The following TTC28 variants were observed in gnomAD, a reference collection of about 807,000 sequenced individuals.
TTC28 encodes the protein tetratricopeptide repeat protein 28.
Under a neutral mutation model 198.0 loss-of-function variants are expected in TTC28, and 61 were observed. That is an observed-to-expected ratio of 0.31 (90% CI 0.25 to 0.38). The LOEUF is 0.38. Ranked by LOEUF, TTC28 falls within the 10% of genes least tolerant of loss-of-function variation. The probability of loss-of-function intolerance (pLI) is 1.00; values close to 1 mark genes in which losing one functional copy is unlikely to be tolerated. For missense variants in TTC28, 2,678 were observed against 3,164.0 expected, an observed-to-expected ratio of 0.85 and a Z score of 3.69; for synonymous variants, 1,171 against 1,297.8, an observed-to-expected ratio of 0.90 and a Z score of 2.10.
At chr22:28,370,790 G>A (rs1411273320) in intron 2 of TTC28, among the ~76,000 whole-genome samples, 2 of 152,190 alleles carry the variant, frequency 1.3e-5, no homozygotes, top group African/African-American at 4.8e-5. Flanking sequence ...AAGGGAGTAA[G>A]AGAAAAGGAA....
chr22:28,567,187 C>G (rs867066502), intron 2 of TTC28, among the ~76,000 whole-genome samples: 1 of 140,536 alleles, frequency 7.1e-6, no homozygotes, highest in East Asian at 2.1e-4. Flanking sequence ...TGCACTCTGG[C>G]TTGGGCGACA....
chr22:28,548,326 C>G (rs2049587091), intron 2 of TTC28, among the ~76,000 whole-genome samples: 1 of 152,202 alleles, frequency 6.6e-6, no homozygotes, highest in African/African-American at 2.4e-5. Flanking sequence ...ATTCTGGTAT[C>G]TCAGGGTGTT....
intron 1 of TTC28, among the ~76,000 whole-genome samples, chr22:28,669,440 G>A (rs528833861): frequency 6.6e-6 from 1 of 152,212 alleles, no homozygotes; most frequent in Admixed American, 6.5e-5. Flanking sequence ...ACCAGTTAGG[G>A]CCAAAATAAA....
intron 2 of TTC28, among the ~76,000 whole-genome samples, chr22:28,412,300 A>G (rs2047093181): frequency 6.6e-6 from 1 of 152,016 alleles, no homozygotes; most frequent in Non-Finnish European, 1.5e-5. Context: ...TCTCCAGAAC[A>G]GCTCCTTTCC....
At chr22:28,487,901 C>T (rs1829342587) in intron 2 of TTC28, among the ~76,000 whole-genome samples, 1 of 152,116 alleles carries the variant, frequency 6.6e-6, no homozygotes, top group Non-Finnish European at 1.5e-5. Context: ...GACCATGTAA[C>T]CGAGTATCTT....
At chr22:28,519,972 GAA>G (rs1246601653) in intron 2 of TTC28, among the ~76,000 whole-genome samples, 1 of 152,132 alleles carries the variant, frequency 6.6e-6, no homozygotes, top group Admixed American at 6.5e-5. Context: ...AAAGTAAAGA[GAA>G]AGAGAGAGAG....
chr22:28,469,023 C>T (rs761635668), intron 2 of TTC28, among the ~76,000 whole-genome samples: 5 of 152,252 alleles, frequency 3.3e-5, no homozygotes, highest in African/African-American at 4.8e-5. Context: ...AAATTAGCAA[C>T]GTTAATTACT....
At chr22:28,312,503 C>A (rs1428764650) in intron 2 of TTC28, among the ~76,000 whole-genome samples, 5 of 152,156 alleles carry the variant, frequency 3.3e-5, no homozygotes, top group South Asian at 4.1e-4. Context: ...GAAATCACAA[C>A]AAACTGTCTC....
chr22:28,020,752 G>A (rs1373896369), intron 13 of TTC28, among the ~76,000 whole-genome samples: 8 of 151,790 alleles, frequency 5.3e-5, no homozygotes. Flanking sequence ...GGTGCAGACA[G>A]CAGCCTGGGC....
intron 2 of TTC28, among the ~76,000 whole-genome samples, chr22:28,334,508 C>T (rs2045674042): frequency 6.6e-6 from 1 of 152,176 alleles, no homozygotes; most frequent in Non-Finnish European, 1.5e-5. Context: ...TCCTCTCCAG[C>T]ACCTGTTGTT....
intron 2 of TTC28, among the ~76,000 whole-genome samples, chr22:28,383,356 G>A (rs746534570): frequency 6.6e-6 from 1 of 152,116 alleles, no homozygotes; most frequent in Non-Finnish European, 1.5e-5. Context: ...GCAATATGTT[G>A]ATCCCAAATT....
At chr22:28,391,084 T>A (rs2146065978) in intron 2 of TTC28, among the ~76,000 whole-genome samples, 1 of 152,194 alleles carries the variant, frequency 6.6e-6, no homozygotes, top group Non-Finnish European at 1.5e-5. Flanking sequence ...AGGATTTTAT[T>A]TCTCCTTCAC....
chr22:28,370,535 C>T (rs548600119), intron 2 of TTC28, among the ~76,000 whole-genome samples: 2 of 152,274 alleles, frequency 1.3e-5, no homozygotes, highest in East Asian at 1.9e-4. Flanking sequence ...CTCATATTCT[C>T]CATCTATGTG....
chr22:28,511,841 C>T (rs1043485165), intron 2 of TTC28, among the ~76,000 whole-genome samples: 2 of 150,610 alleles, frequency 1.3e-5, no homozygotes, highest in Non-Finnish European at 3.0e-5. Context: ...AAAAAAAACA[C>T]CAAACCTCTA....
chr22:28,259,499 T>C (rs1931176649), intron 5 of TTC28, among the ~76,000 whole-genome samples: 2 of 152,032 alleles, frequency 1.3e-5, no homozygotes, highest in Admixed American at 1.3e-4. Flanking sequence ...AGCCCAGAAA[T>C]GCTCGGGTAT....
chr22:28,569,907 C>T (rs563899855), intron 2 of TTC28, among the ~76,000 whole-genome samples: 2 of 152,248 alleles, frequency 1.3e-5, no homozygotes, highest in African/African-American at 2.4e-5. Flanking sequence ...TGAACAGACA[C>T]TTTTCGAAAG....
chr22:27,982,526 C>T lies in TTC28; in HGVS notation c.7141G>A (p.Ala2381Thr), dbSNP rs1390312691. Residue 2381 changes from alanine (A) to threonine (T), a missense_variant, in exon 23 of 23, where the codon GCT becomes ACT. Physicochemically the swap from Ala to Thr is moderately conservative, Grantham distance 58 (BLOSUM62 0). Coordinates refer to ENST00000397906, the MANE Select transcript of TTC28 (RefSeq NM_001145418.2). This position sits in a 1 kb window ranked among gnomAD's most constrained non-coding sequence, Gnocchi z 5.2. The part of the protein sequence containing the change: ...STGPMKIFRG[A>T]PGTMTSKRDV... ...CTTTTGGAAGTCATCGTGCCAGGAG[C>T]CCCCCGGAAGATCTTCATTGGCCCT... 2.6e-6 allele frequency: 4 copies of T among 1,551,546 alleles called. No homozygotes were observed. Among genetic ancestry groups the T allele is most frequent in the Non-Finnish European group, 8.7e-7 (1 of 1,146,988 alleles).
intron 1 of TTC28, among the ~76,000 whole-genome samples, chr22:28,647,047 G>A (rs2051480792): frequency 6.6e-6 from 1 of 152,104 alleles, no homozygotes; most frequent in Non-Finnish European, 1.5e-5. Context: ...ATAGACTAAT[G>A]GAACACAATA....
intron 5 of TTC28, among the ~76,000 whole-genome samples, chr22:28,237,555 T>C (rs925598098): frequency 1.4e-4 from 21 of 152,326 alleles, no homozygotes; most frequent in Middle Eastern, 3.4e-3. Flanking sequence ...TGAGCTATTA[T>C]TGTAATGTAT....
Sources: allele counts gnomAD v4.1 joint callset (sites outside exome capture counted in the v4.1 genomes callset), GRCh38; gene constraint gnomAD v4.1.1; non-coding constraint Gnocchi (gnomAD v3.1); transcripts MANE v1.5; gene names NCBI Gene and HGNC (gene_info 2026-07-23, HGNC 2026-07-21).